The following OLAH variants were observed in gnomAD, a reference collection of about 807,000 sequenced individuals.
OLAH encodes the protein S-acyl fatty acid synthase thioesterase, medium chain.
In OLAH, 33 loss-of-function variants were observed where a neutral mutation model predicts 27.8. The ratio of observed to expected loss-of-function variants is 1.19; its 90% CI spans 0.90 to 1.59. OLAH has a LOEUF of 1.59. Among genes scored for constraint, OLAH ranks in the 40% most tolerant of loss-of-function variants. The pLI is 0.00. For missense variants in OLAH, 359 were observed against 310.8 expected (o/e 1.16, Z -1.17); for synonymous variants, 120 against 102.9 (o/e 1.17, Z -1.01).
chr10:15,037,092 C>CAAGA (rs1843851947), intron 1 of OLAH, among the ~76,000 whole-genome samples: 1 of 150,632 alleles, frequency 6.6e-6, no homozygotes, highest in Non-Finnish European at 1.5e-5. Flanking sequence ...ATAAATAAAT[C>CAAGA]AACAAACAAA....
chr10:15,035,716 C>CGG (rs1243552291), intron 1 of OLAH, among the ~76,000 whole-genome samples: 1 of 152,112 alleles, frequency 6.6e-6, no homozygotes, highest in East Asian at 1.9e-4. Context: ...GCTATCTTCT[C>CGG]GGGGCTCTGC....
intron 1 of OLAH, among the ~76,000 whole-genome samples, chr10:15,037,533 A>G (rs1843859565): frequency 6.6e-6 from 1 of 150,974 alleles, no homozygotes. Context: ...GTGAGCCAAG[A>G]TTGCACCACT....
At chr10:15,053,809 G>A (rs1844192224) in intron 3 of OLAH, among the ~76,000 whole-genome samples, 1 of 151,760 alleles carries the variant, frequency 6.6e-6, no homozygotes, top group South Asian at 2.1e-4. Flanking sequence ...CAACCTCCCA[G>A]GCTCAAGCGA....
intron 1 of OLAH, among the ~76,000 whole-genome samples, chr10:15,034,476 A>G (rs1339968405): frequency 6.6e-6 from 1 of 152,198 alleles, no homozygotes; most frequent in African/African-American, 2.4e-5. Flanking sequence ...TTTGATGGGC[A>G]AGAAAGGATA....
In OLAH at chr10:15,061,788, C is replaced by A. The variant is rs79184544; in HGVS notation, c.228C>A (p.Ser76=). The change falls in exon 4 of 8, where the codon TCC becomes TCA. Residue 76 remains serine (S), a synonymous_variant. Transcript: ENST00000378228. ...AAGAACCTCTTGAAAATGACATCTC[C>A]CAGTTAGTTGATGAAGTTGTTTGTG... ...RVEEPLENDI[S]QLVDEVVCAL... 2 of 1,613,854 alleles carry A rather than the reference C, an allele frequency of 1.2e-6. No homozygotes were observed. Among genetic ancestry groups the A allele is most frequent in the Admixed American group, 1.7e-5 (1 of 59,954 alleles).
chr10:15,073,285 A>T lies in OLAH; in HGVS notation c.*56A>T, dbSNP rs1435538627. On this transcript the variant is annotated 3_prime_UTR_variant, in exon 8 of 8. Coordinates refer to ENST00000378228, the MANE Select transcript of OLAH (RefSeq NM_001039702.3). ...AAGTAATATCATACTCTTCTCAGTTATTCAGATATAGCTCAGTTTTATTCA... is the reference window on the plus strand; with the variant it reads ...AAGTAATATCATACTCTTCTCAGTTTTTCAGATATAGCTCAGTTTTATTCA... 4.4e-6 allele frequency: 5 copies of T among 1,149,110 alleles called. No homozygotes were observed. The Admixed American group carries it at 9.2e-5, about 21-fold the overall frequency. 71.2% of individuals were successfully genotyped at this position (1,149,110 alleles called of 1,614,324 possible). A position where few individuals can be genotyped will look rare whatever the true frequency, so the allele number is the denominator to read the frequency against.
At chr10:15,034,804 C>CTTT (rs71505056) in intron 1 of OLAH, among the ~76,000 whole-genome samples, 8 of 83,464 alleles carry the variant, frequency 9.6e-5, no homozygotes, top group African/African-American at 2.1e-4. Flanking sequence ...TTCTTTCTTT[C>CTTT]TTTTTTTTTT....
intron 2 of OLAH, among the ~76,000 whole-genome samples, chr10:15,048,945 A>G (rs944788943): frequency 6.6e-5 from 10 of 152,010 alleles, no homozygotes; most frequent in Admixed American, 6.6e-5. Context: ...CTACTAAAAC[A>G]TAAAAAAATT....
At chr10:15,033,705 G>A (rs540563408) in intron 1 of OLAH, among the ~76,000 whole-genome samples, 25 of 152,226 alleles carry the variant, frequency 1.6e-4, no homozygotes, top group South Asian at 4.1e-4. Context: ...TTGAACGTGC[G>A]TCCTCCAGAT....
At chr10:15,051,821 A>G (rs1444139170) in intron 3 of OLAH, among the ~76,000 whole-genome samples, 1 of 152,096 alleles carries the variant, frequency 6.6e-6, no homozygotes, top group African/African-American at 2.4e-5. Context: ...TAGTACAAGG[A>G]TGGTGAGCTT....
chr10:15,066,765 C>G (rs753006505), intron 6 of OLAH, among the ~76,000 whole-genome samples: 1 of 151,968 alleles, frequency 6.6e-6, no homozygotes, highest in African/African-American at 2.4e-5. Flanking sequence ...CTCAGCCTCC[C>G]GAGTAGCTGG....
chr10:15,065,053 T>C (rs773222115), intron 5 of OLAH, among the ~76,000 whole-genome samples: 37 of 152,216 alleles, frequency 2.4e-4, no homozygotes, highest in Non-Finnish European at 4.7e-4. Context: ...TATCATTCTC[T>C]GTTTCCCTGA....
In OLAH at chr10:15,064,370, A is replaced by G. The variant is rs558316897; in HGVS notation, c.303-33A>G. 101 of 1,329,926 alleles carry G rather than the reference A, an allele frequency of 7.6e-5. 2 individuals carry two copies. In the South Asian group the frequency reaches 1.1e-3, roughly 14 times the overall value. The allele number at this position is 1,329,926 out of a possible 1,614,324, so 82.4% of individuals were successfully genotyped here. On this transcript the variant is annotated intron_variant, in intron 4 of 7. Transcript: ENST00000378228. ...TGGATCATCACGAGTTTTGCTTAAC[A>G]GTTCTTGTCATGTTTTTCTTTGCTG...
chr10:15,066,450 T>G (rs1315846676), intron 6 of OLAH, among the ~76,000 whole-genome samples: 1 of 152,052 alleles, frequency 6.6e-6, no homozygotes, highest in African/African-American at 2.4e-5. Flanking sequence ...CTAGGTTTGC[T>G]TTTTTGTACA....
intron 4 of OLAH, among the ~76,000 whole-genome samples, 186 bp from the exon 5 acceptor site, chr10:15,064,217 G>A (rs1202569869): frequency 6.6e-6 from 1 of 152,200 alleles, no homozygotes; most frequent in African/African-American, 2.4e-5. Context: ...TATCTAGGCT[G>A]TCTTTGAAAC....
At chr10:15,067,760 T>C (rs748952281) in intron 6 of OLAH, among the ~76,000 whole-genome samples, 4 of 152,188 alleles carry the variant, frequency 2.6e-5, no homozygotes, top group Non-Finnish European at 4.4e-5. Context: ...ATCTCCCTGC[T>C]TTTTCCAATA....
chr10:15,066,961 A>G (rs1025517627), intron 6 of OLAH, among the ~76,000 whole-genome samples: 6 of 152,138 alleles, frequency 3.9e-5, no homozygotes, highest in African/African-American at 1.2e-4. Flanking sequence ...TTTGAGATCT[A>G]CTGCACAGCA....
In OLAH at chr10:15,071,849, A is replaced by T; in HGVS notation, c.627A>T (p.Gly209=). ...CCTGTGACTTGACATGTTTTGTTGGATCTGAAGACATAGCAAAGGACATGG... is the reference window on the plus strand; with the variant it reads ...CCTGTGACTTGACATGTTTTGTTGGTTCTGAAGACATAGCAAAGGACATGG... ...VLSCDLTCFV[G]SEDIAKDMEA... The change falls in exon 7 of 8, where the codon GGA becomes GGT. Residue 209 remains glycine, a synonymous_variant. Coordinates refer to ENST00000378228, the MANE Select transcript of OLAH (RefSeq NM_001039702.3). 6.2e-7 allele frequency: 1 copy of T among 1,613,124 alleles called. No individual in the cohort carries two copies. Among genetic ancestry groups the T allele is most frequent in the Non-Finnish European group, 8.5e-7 (1 of 1,179,046 alleles).
Position 15,073,784 on chromosome 10 carries a change from C to T in OLAH, c.*555C>T, listed in dbSNP as rs1351394117. The T allele has an allele frequency of 4.0e-5, 6 of 151,298 alleles. No individual in the cohort carries two copies. The highest frequency in any genetic ancestry group is 1.5e-4 in the African/African-American group (6 of 41,164). 9.4% of individuals were successfully genotyped at this position (151,298 alleles called of 1,614,324 possible). A position where few individuals can be genotyped will look rare whatever the true frequency, so the allele number is the denominator to read the frequency against. ...TGATTAGTAAATTATCCATTTTTTC[C>T]TTCAGTTAGTTTAATGGTGAAGATG... On this transcript the variant is annotated 3_prime_UTR_variant, in exon 8 of 8. Coordinates refer to ENST00000378228, the MANE Select transcript of OLAH (RefSeq NM_001039702.3).
Sources: gnomAD v4.1 joint callset for allele counts (sites outside exome capture counted in the v4.1 genomes callset) on GRCh38, gnomAD v4.1.1 for gene constraint, MANE v1.5 for transcripts, NCBI Gene and HGNC (gene_info 2026-07-23, HGNC 2026-07-21) for gene names.